Variants in AP1S1 observed in about 807,000 individuals in gnomAD.
AP1S1 encodes adaptor related protein complex 1 subunit sigma 1.
In AP1S1, 13 loss-of-function variants were observed where a neutral mutation model predicts 23.9. The ratio of observed to expected loss-of-function variants is 0.54; its 90% CI spans 0.35 to 0.86. The LOEUF (loss-of-function observed/expected upper bound fraction) is 0.86. AP1S1 is among the 40% of genes least tolerant of loss of function. The probability of loss-of-function intolerance (pLI) is 0.01; values close to 1 mark genes in which losing one functional copy is unlikely to be tolerated. For missense variants in AP1S1, 119 were observed against 197.6 expected (o/e 0.60, Z 2.38); for synonymous variants, 84 against 77.7 (o/e 1.08, Z -0.43).
chr7:101,160,603 C>T lies in AP1S1; in HGVS notation c.*37C>T. 2 of 1,606,270 alleles carry T rather than the reference C, an allele frequency of 1.2e-6. No individual in the cohort carries two copies. Among genetic ancestry groups the T allele is most frequent in the Non-Finnish European group, 1.7e-6 (2 of 1,178,122 alleles). On this transcript the variant is annotated 3_prime_UTR_variant, in exon 5 of 5. Transcript: ENST00000337619. The stretch of plus-strand genomic sequence containing the variant: ...CCGGGGTGTGGCGATGGGGTCCTGG[C>T]AGCGTGGCGGGAACGGCTGCTTCTC...
At chr7:101,158,452 C>G (rs1157305377) in intron 3 of AP1S1, among the ~76,000 whole-genome samples, 1 of 152,186 alleles carries the variant, frequency 6.6e-6, no homozygotes, top group Non-Finnish European at 1.5e-5. Context: ...CCCTCTTTCC[C>G]TGCCCCACAG....
In AP1S1 at chr7:101,161,250, T is replaced by A. The variant is rs1022601949; in HGVS notation, c.*684T>A. The A allele has an allele frequency of 3.0e-5, 5 of 167,470 alleles. No individual in the cohort carries two copies. The highest frequency in any genetic ancestry group is 2.9e-4 in the Admixed American group (5 of 17,370). 10.4% of individuals were successfully genotyped at this position (167,470 alleles called of 1,614,324 possible). On this transcript the variant is annotated 3_prime_UTR_variant, in exon 5 of 5. Coordinates refer to ENST00000337619, the MANE Select transcript of AP1S1 (RefSeq NM_001283.5). ...GTGTCTGCCTTTATGTCCTTTCTTC[T>A]GAAATAAAAGTAAAAGCATTTCTGG...
intron 1 of AP1S1, among the ~76,000 whole-genome samples, chr7:101,155,855 G>C (rs955744275): frequency 1.3e-5 from 2 of 152,178 alleles, no homozygotes; most frequent in Admixed American, 1.3e-4. Flanking sequence ...GGTTACTGTC[G>C]TCTTGTCACT....
At chr7:101,154,587 G>C (rs1293978671) in intron 1 of AP1S1, 70 bp downstream of exon 1, 3 of 1,536,608 alleles carry the variant, frequency 2.0e-6, no homozygotes, top group Non-Finnish European at 2.6e-6. Flanking sequence ...GGTCCTCGGG[G>C]GCCGCCCTCG....
chr7:101,161,161 C>G lies in AP1S1; in HGVS notation c.*595C>G. ...GCTTTATGGGACCCTGGTCCTGGCC[C>G]TGGCCTTTCACTCCAGTTCTGGGTG... On this transcript the variant is annotated 3_prime_UTR_variant, in exon 5 of 5. Transcript: ENST00000337619. 4.3e-6 allele frequency: 1 copy of G among 233,168 alleles called. No homozygotes were observed. Among genetic ancestry groups the G allele is most frequent in the East Asian group, 1.4e-4 (1 of 6,998 alleles). The allele number at this position is 233,168 out of a possible 1,614,324, so 14.4% of individuals were successfully genotyped here.
Position 101,156,597 on chromosome 7 carries a change from C to T in AP1S1, c.7C>T (p.Arg3Trp), listed in dbSNP as rs753811377. Residue 3 changes from arginine to tryptophan, a missense_variant, in exon 2 of 5, where the codon CGG becomes TGG. Arg to Trp is a moderately radical substitution (Grantham distance 101). Coordinates refer to ENST00000337619, the MANE Select transcript of AP1S1 (RefSeq NM_001283.5). Reference sequence around the variant, plus strand: ...TCTGCCCTCCCATCCCCCACAGATGCGGTTCATGCTATTATTCAGCCGGCA... The same window carrying T: ...TCTGCCCTCCCATCCCCCACAGATGTGGTTCATGCTATTATTCAGCCGGCA... MM[R>W]FMLLFSRQGK... 2.2e-5 allele frequency: 36 copies of T among 1,610,624 alleles called. No homozygotes were observed. The highest frequency in any genetic ancestry group is 2.7e-5 in the Non-Finnish European group (32 of 1,178,444).
intron 2 of AP1S1, 130 bp downstream of exon 2, chr7:101,156,902 G>T: frequency 1.0e-4 from 62 of 620,072 alleles, no homozygotes; most frequent in Non-Finnish European, 1.3e-4. Flanking sequence ...AGTAATGAAT[G>T]TCAGCTTCCT....
intron 4 of AP1S1, 79 bp from the exon 5 acceptor site, chr7:101,160,425 CCCCCGTCTGACTCTT>C (rs1678396510): frequency 3.4e-6 from 5 of 1,451,658 alleles, no homozygotes; most frequent in Non-Finnish European, 4.8e-6. Flanking sequence ...GTCTGTGCCT[CCCCCGTCTGACTCTT>C]CCTCGTGACT....
rs1407676990 is a variant in AP1S1 at position 101,160,776 on chromosome 7, AG to A, written c.*211del. ...TTCCCCTTTTCCCACTGAAGGTTTT[AG>A]AAGCTAGGAGGCAGGAAAATGTGAC... On this transcript the variant is annotated 3_prime_UTR_variant, in exon 5 of 5. Transcript: ENST00000337619. 1.4e-6 allele frequency: 1 copy of A among 711,068 alleles called. No homozygotes were observed. Among genetic ancestry groups the A allele is most frequent in the African/African-American group, 1.9e-5 (1 of 53,724 alleles). The allele number at this position is 711,068 out of a possible 1,614,324, so 44.0% of individuals were successfully genotyped here.
chr7:101,157,825 G>A lies in AP1S1; in HGVS notation c.291+340G>A, dbSNP rs535422070. Among the ~76,000 whole-genome samples the A allele has an allele frequency of 9.9e-5, 15 of 152,176 alleles. No homozygotes were observed. The East Asian group carries it at 1.5e-3, about 16-fold the overall frequency. ...TCACCCTATCACCTGGAGGAATGCC[G>A]CCTATGGCTGGAGTGCAGTGGCACA... On this transcript the variant is annotated intron_variant, in intron 3 of 4. Coordinates refer to ENST00000337619, the MANE Select transcript of AP1S1 (RefSeq NM_001283.5).
In AP1S1 at chr7:101,160,659, TCGGCTG is replaced by T; in HGVS notation, c.*95_*100del. On this transcript the variant is annotated 3_prime_UTR_variant, in exon 5 of 5. Coordinates refer to ENST00000337619, the MANE Select transcript of AP1S1 (RefSeq NM_001283.5). ...CCCAGGGCCCTGTTCTTGGTGGGAC[TCGGCTG>T]CCCCTCCTCTGCTGCCTCACCTTTC... The T allele has an allele frequency of 1.4e-6, 2 of 1,460,938 alleles. No individual in the cohort carries two copies. The highest frequency in any genetic ancestry group is 1.9e-6 in the Non-Finnish European group (2 of 1,058,018). 90.5% of individuals were successfully genotyped at this position (1,460,938 alleles called of 1,614,324 possible).
intron 4 of AP1S1, among the ~76,000 whole-genome samples, chr7:101,159,964 GCA>G (rs141729983): frequency 3.5e-5 from 5 of 143,000 alleles, no homozygotes; most frequent in Admixed American, 2.1e-4. Flanking sequence ...TCCCACACAC[GCA>G]CACACACACA....
chr7:101,156,540 A>T, intron 1 of AP1S1, 54 bp from the exon 2 acceptor site: 1 of 1,547,506 alleles, frequency 6.5e-7, no homozygotes, highest in Non-Finnish European at 8.8e-7. Context: ...TTAGCTGGAG[A>T]TAAGTTTGGG....
intron 1 of AP1S1, 44 bp downstream of exon 1, chr7:101,154,561 G>A (rs563515608): frequency 2.6e-6 from 4 of 1,552,022 alleles, no homozygotes; most frequent in Admixed American, 3.9e-5. Context: ...CGAGGGGCGT[G>A]GGCTGCACCT....
At chr7:101,159,412 C>T (rs1797049904) in intron 4 of AP1S1, 1 of 601,106 alleles carries the variant, frequency 1.7e-6, no homozygotes, top group Middle Eastern at 4.5e-4. Context: ...CTGTGCACCC[C>T]TCATTCCAAG....
chr7:101,159,336 C>CAGCT (rs1294003093), intron 4 of AP1S1, 140 bp downstream of exon 4: 3 of 1,255,480 alleles, frequency 2.4e-6, no homozygotes, highest in African/African-American at 1.5e-5. Context: ...CCACCACGCC[C>CAGCT]AGCTCTCCAG....
chr7:101,156,551 G>C, intron 1 of AP1S1, 43 bp from the exon 2 acceptor site: 1 of 1,573,560 alleles, frequency 6.4e-7, no homozygotes, highest in Non-Finnish European at 8.7e-7. Flanking sequence ...TAAGTTTGGG[G>C]AATGTGTGGT....
At chr7:101,157,727 C>G (rs551514747) in intron 3 of AP1S1, among the ~76,000 whole-genome samples, 1 of 152,206 alleles carries the variant, frequency 6.6e-6, no homozygotes, top group Non-Finnish European at 1.5e-5. Flanking sequence ...GAGCTTAGCT[C>G]GGACTTTTCA....
At chr7:101,157,598 T>C (rs1797013499) in intron 3 of AP1S1, 113 bp downstream of exon 3, 2 of 796,766 alleles carry the variant, frequency 2.5e-6, no homozygotes, top group Non-Finnish European at 4.3e-6. Flanking sequence ...GAGGTGAAGT[T>C]GGAGCAGTAA....
Sources: allele counts gnomAD v4.1 joint callset (sites outside exome capture counted in the v4.1 genomes callset), GRCh38; gene constraint gnomAD v4.1.1; transcripts MANE v1.5; gene names NCBI Gene and HGNC (gene_info 2026-07-23, HGNC 2026-07-21).